CSMD3: variants seen among roughly 807,000 people sequenced by gnomAD.
CSMD3 encodes CUB and Sushi multiple domains 3.
CSMD3 carries 177 observed loss-of-function variants against 435.2 expected under a neutral mutation model. The observed-to-expected ratio is 0.41, with a 90% CI of 0.36 to 0.46. The LOEUF (loss-of-function observed/expected upper bound fraction) is 0.46, where lower values mean the gene tolerates loss of function less well. Ranked by LOEUF, CSMD3 falls within the 20% of genes least tolerant of loss-of-function variation. The probability of loss-of-function intolerance (pLI) is 0.34; values close to 1 mark genes in which losing one functional copy is unlikely to be tolerated. For missense variants in CSMD3, 4,265 were observed against 4,504.6 expected (o/e 0.95, Z 1.52); for synonymous variants, 1,656 against 1,520.5 (o/e 1.09, Z -2.07).
intron 1 of CSMD3, among the ~76,000 whole-genome samples, chr8:113,323,702 A>T (rs1256012078): frequency 6.6e-6 from 1 of 152,252 alleles, no homozygotes; most frequent in Non-Finnish European, 1.5e-5. Context: ...ATAAATGTTT[A>T]TATATCAAAT....
intron 4 of CSMD3, among the ~76,000 whole-genome samples, chr8:113,144,506 A>G (rs940933762): frequency 6.6e-6 from 1 of 151,538 alleles, no homozygotes; most frequent in Non-Finnish European, 1.5e-5. Flanking sequence ...CCTGTTTCTC[A>G]TATTTCCGGA....
intron 1 of CSMD3, among the ~76,000 whole-genome samples, chr8:113,412,479 T>C (rs1280430219): frequency 6.6e-6 from 1 of 152,098 alleles, no homozygotes; most frequent in Non-Finnish European, 1.5e-5. Context: ...ACTCTTTATG[T>C]GAAACTGTTA....
intron 29 of CSMD3, among the ~76,000 whole-genome samples, chr8:112,506,430 A>C (rs1445183441): frequency 6.6e-6 from 1 of 152,120 alleles, no homozygotes; most frequent in Non-Finnish European, 1.5e-5. Flanking sequence ...CTTCCAATGA[A>C]ATCTTCAGGG....
intron 1 of CSMD3, among the ~76,000 whole-genome samples, chr8:113,374,760 T>C (rs2094367971): frequency 6.7e-6 from 1 of 149,412 alleles, no homozygotes; most frequent in African/African-American, 2.5e-5. Flanking sequence ...CTTTTGATCT[T>C]ACTACTTATT....
At chr8:113,165,229 A>C (rs1219784610) in intron 4 of CSMD3, among the ~76,000 whole-genome samples, 1 of 152,150 alleles carries the variant, frequency 6.6e-6, no homozygotes, top group Non-Finnish European at 1.5e-5. Flanking sequence ...ACGCAAAGAT[A>C]ATATAACTTG....
chr8:113,065,533 C>CCCA (rs1360634732), intron 5 of CSMD3, among the ~76,000 whole-genome samples: 1 of 152,024 alleles, frequency 6.6e-6, no homozygotes, highest in Non-Finnish European at 1.5e-5. Flanking sequence ...ACTACAGGTG[C>CCCA]CCACCACCAC....
At chr8:112,847,676 C>G (rs543996174) in intron 11 of CSMD3, among the ~76,000 whole-genome samples, 1 of 152,162 alleles carries the variant, frequency 6.6e-6, no homozygotes, top group East Asian at 1.9e-4. Flanking sequence ...AGACCTGGCA[C>G]TGAAGCTTGG....
chr8:112,388,257 A>G (rs1233884752), intron 36 of CSMD3, among the ~76,000 whole-genome samples: 1 of 152,170 alleles, frequency 6.6e-6, no homozygotes, highest in East Asian at 1.9e-4. Context: ...AAAAGAGATA[A>G]GGAGATTGGA....
intron 31 of CSMD3, 82 bp from the exon 32 acceptor site, chr8:112,472,789 AT>A (rs1818659545): frequency 1.3e-6 from 1 of 756,004 alleles, no homozygotes; most frequent in Non-Finnish European, 2.4e-6. Context: ...CATATAAAAA[AT>A]ATATGGCTAA....
intron 32 of CSMD3, among the ~76,000 whole-genome samples, chr8:112,444,294 T>C (rs1395244112): frequency 6.6e-6 from 1 of 152,212 alleles, no homozygotes; most frequent in Non-Finnish European, 1.5e-5. Context: ...GGGAAACTAT[T>C]TGGCAATTTT....
At chr8:113,107,622 G>A (rs901041822) in intron 4 of CSMD3, among the ~76,000 whole-genome samples, 2 of 152,176 alleles carry the variant, frequency 1.3e-5, no homozygotes, top group African/African-American at 2.4e-5. Flanking sequence ...CTGATAGGGA[G>A]GGCTGACTGT....
intron 5 of CSMD3, among the ~76,000 whole-genome samples, chr8:113,035,776 T>A (rs777022989): frequency 6.6e-6 from 1 of 151,962 alleles, no homozygotes; most frequent in Non-Finnish European, 1.5e-5. Context: ...AATAAAAGGA[T>A]CAGAGGTATT....
At chr8:113,056,727 C>T (rs2088356925) in intron 5 of CSMD3, among the ~76,000 whole-genome samples, 1 of 152,166 alleles carries the variant, frequency 6.6e-6, no homozygotes, top group Admixed American at 6.5e-5. Flanking sequence ...TACGGAAAGT[C>T]CCCATGGTCT....
Position 112,558,917 on chromosome 8 carries a change from G to A in CSMD3, c.4043-1963C>T, listed in dbSNP as rs191166172. Among the ~76,000 whole-genome samples, 459 of 151,932 alleles carry A rather than the reference G, an allele frequency of 3.0e-3. 1 individual carries two copies. The highest frequency in any genetic ancestry group is 0.011 in the African/African-American group (437 of 41,504). On this transcript the variant is annotated intron_variant, in intron 24 of 70. Transcript: ENST00000297405. ...TCATATTTAAAATATACTTTATCAAGCTAATATACTAATCAGCTTGATGAA... is the reference window on the plus strand; with the variant it reads ...TCATATTTAAAATATACTTTATCAAACTAATATACTAATCAGCTTGATGAA...
At chr8:112,844,985 G>T (rs1172805933) in intron 11 of CSMD3, among the ~76,000 whole-genome samples, 1 of 151,930 alleles carries the variant, frequency 6.6e-6, no homozygotes, top group African/African-American at 2.4e-5. Context: ...ATAATACTGA[G>T]ATTAAAATGG....
intron 3 of CSMD3, among the ~76,000 whole-genome samples, chr8:113,221,862 T>C (rs1226379131): frequency 6.6e-6 from 1 of 151,314 alleles, no homozygotes; most frequent in African/African-American, 2.4e-5. Context: ...ACTTAACATG[T>C]TATATGTTTG....
chr8:112,980,556 C>T (rs536694243), intron 6 of CSMD3, among the ~76,000 whole-genome samples: 7 of 151,360 alleles, frequency 4.6e-5, no homozygotes, highest in African/African-American at 1.7e-4. Flanking sequence ...AGTCTAAATA[C>T]TACGACTAAT....
At chr8:112,570,526 C>G (rs1829418180) in intron 24 of CSMD3, among the ~76,000 whole-genome samples, 2 of 152,038 alleles carry the variant, frequency 1.3e-5, no homozygotes, top group South Asian at 4.2e-4. Context: ...AGGACATGCA[C>G]AAAATAGAAA....
chr8:112,335,795 T>C (rs1196817252), intron 44 of CSMD3, among the ~76,000 whole-genome samples: 2 of 152,038 alleles, frequency 1.3e-5, no homozygotes, highest in Non-Finnish European at 2.9e-5. Flanking sequence ...TTTGCCCCTC[T>C]TTTATTTTCT....
Sources: gnomAD v4.1 joint callset for allele counts (sites outside exome capture counted in the v4.1 genomes callset) on GRCh38, gnomAD v4.1.1 for gene constraint, MANE v1.5 for transcripts, NCBI Gene and HGNC (gene_info 2026-07-23, HGNC 2026-07-21) for gene names.